The following SLC1A1 variants were observed in gnomAD, a reference collection of about 807,000 sequenced individuals.
SLC1A1 encodes excitatory amino acid transporter 3.
SLC1A1 carries 43 observed loss-of-function variants against 53.3 expected under a neutral mutation model. The ratio of observed to expected loss-of-function variants is 0.81; its 90% CI spans 0.63 to 1.04. The LOEUF (loss-of-function observed/expected upper bound fraction) is 1.04. Ranked by LOEUF, SLC1A1 falls within the 50% of genes least tolerant of loss-of-function variation. The pLI is 0.00. For missense variants in SLC1A1, 748 were observed against 664.9 expected, an observed-to-expected ratio of 1.12 and a Z score of -1.37; for synonymous variants, 307 against 243.2, an observed-to-expected ratio of 1.26 and a Z score of -2.44.
At chr9:4,580,172 A>T (rs1394734268) in intron 10 of SLC1A1, among the ~76,000 whole-genome samples, 1 of 151,948 alleles carries the variant, frequency 6.6e-6, no homozygotes, top group African/African-American at 2.4e-5. Context: ...CAGAGGTTGC[A>T]GTGAACTGAG....
intron 2 of SLC1A1, among the ~76,000 whole-genome samples, chr9:4,555,317 A>G (rs1169509217): frequency 1.3e-5 from 2 of 152,222 alleles, no homozygotes; most frequent in Non-Finnish European, 2.9e-5. Flanking sequence ...AAGGGGTTGA[A>G]TTTTGATACC....
chr9:4,545,066 C>T (rs769733330), intron 2 of SLC1A1, among the ~76,000 whole-genome samples: 8 of 152,138 alleles, frequency 5.3e-5, no homozygotes, highest in Non-Finnish European at 1.0e-4. Flanking sequence ...ATGGGGATTA[C>T]AATTCAAGAT....
intron 10 of SLC1A1, among the ~76,000 whole-genome samples, chr9:4,580,726 T>C (rs1344400422): frequency 2.0e-5 from 3 of 147,270 alleles, no homozygotes; most frequent in South Asian, 2.2e-4. Flanking sequence ...AAAGTAGCAG[T>C]AGTAATAGTA....
In SLC1A1 at chr9:4,534,686, G is replaced by C. The variant is rs533358163; in HGVS notation, c.92-9881G>C. 9.2e-5 allele frequency among the ~76,000 whole-genome samples: 12 copies of C among 130,090 alleles called. No homozygotes were observed. In the South Asian group the frequency reaches 1.1e-3, roughly 12 times the overall value. The allele number at this position is 130,090 out of a possible 152,430, so 85.3% of individuals were successfully genotyped here. A position where few individuals can be genotyped will look rare whatever the true frequency, so the allele number is the denominator to read the frequency against. ...GAAACTATTCCAATCAATAGAAAAAGAGGGAATCCTCCCTAACTCATGAGG... is the reference window on the plus strand; with the variant it reads ...GAAACTATTCCAATCAATAGAAAAACAGGGAATCCTCCCTAACTCATGAGG... On this transcript the variant is annotated intron_variant, in intron 1 of 11. Transcript: ENST00000262352.
chr9:4,499,188 G>A (rs1210754614), intron 1 of SLC1A1, among the ~76,000 whole-genome samples: 6 of 151,362 alleles, frequency 4.0e-5, no homozygotes, highest in Admixed American at 6.6e-5. Context: ...GGGATTACAG[G>A]TGCCCACCAC....
chr9:4,564,349 G>C lies in SLC1A1; in HGVS notation c.331G>C (p.Val111Leu), dbSNP rs757860317. ...TTLIAVILGIVLVVSIKPGVT... is the reference protein window; with the variant it reads ...TTLIAVILGILLVVSIKPGVT... The stretch of plus-strand genomic sequence containing the variant: ...GACGCTGTTCTTGGCCACAGGTATT[G>C]TGCTGGTGGTGAGCATCAAGCCTGG... Residue 111 changes from valine to leucine, a missense_variant, in exon 4 of 12, where the codon GTG becomes CTG. Physicochemically the swap from Val to Leu is conservative, Grantham distance 32 (BLOSUM62 1). Transcript: ENST00000262352. 2 of 1,611,962 alleles carry C rather than the reference G, an allele frequency of 1.2e-6. No individual in the cohort carries two copies. The highest frequency in any genetic ancestry group is 8.5e-7 in the Non-Finnish European group (1 of 1,178,528).
At chr9:4,516,407 TG>T (rs1821162411) in intron 1 of SLC1A1, among the ~76,000 whole-genome samples, 1 of 152,240 alleles carries the variant, frequency 6.6e-6, no homozygotes, top group Admixed American at 6.5e-5. Flanking sequence ...TTTTTCTCTC[TG>T]GGAAACAAGA....
At chr9:4,543,817 C>T (rs1269127019) in intron 1 of SLC1A1, among the ~76,000 whole-genome samples, 1 of 151,912 alleles carries the variant, frequency 6.6e-6, no homozygotes, top group Non-Finnish European at 1.5e-5. Context: ...AAAGATTATA[C>T]AAATATACCA....
rs769096859 is a variant in SLC1A1 at position 4,556,990 on chromosome 9, A to G, written c.233-4459A>G. ...CATGTGTTCCCCTGTGGAGTCTTTT[A>G]TGGCTGAAAAGTGTTCTCGTTGGCT... is the stretch of plus-strand genomic sequence containing the variant. On this transcript the variant is annotated intron_variant, in intron 2 of 11. Transcript: ENST00000262352. This position sits in a 1 kb window ranked among gnomAD's most constrained non-coding sequence, Gnocchi z 4.1. Among the ~76,000 whole-genome samples the G allele has an allele frequency of 2.6e-5, 4 of 152,156 alleles. No homozygotes were observed. The highest frequency in any genetic ancestry group is 5.9e-5 in the Non-Finnish European group (4 of 68,014).
intron 7 of SLC1A1, among the ~76,000 whole-genome samples, chr9:4,573,267 T>C (rs1586836378): frequency 6.6e-6 from 1 of 152,178 alleles, no homozygotes; most frequent in Non-Finnish European, 1.5e-5. Context: ...AAAGTGTAGA[T>C]ACTGACAGTG....
intron 2 of SLC1A1, among the ~76,000 whole-genome samples, chr9:4,545,404 T>C (rs1220139081): frequency 6.6e-6 from 1 of 152,206 alleles, no homozygotes; most frequent in East Asian, 1.9e-4. Flanking sequence ...CAAAACGTTA[T>C]CTGGGGCATG....
At position 4,490,637 on chromosome 9, in the gene SLC1A1, A is replaced by C. The variant is rs1408379271; in HGVS notation, c.-43A>C. On this transcript the variant is annotated 5_prime_UTR_variant, in exon 1 of 12. Coordinates refer to ENST00000262352, the MANE Select transcript of SLC1A1 (RefSeq NM_004170.6). ...CAGCAGTCCCCGGGTCGCCCAGCCCACGCGCGCACGGCCGAGCCCAGCGCA... is the reference window on the plus strand; with the variant it reads ...CAGCAGTCCCCGGGTCGCCCAGCCCCCGCGCGCACGGCCGAGCCCAGCGCA... The C allele has an allele frequency of 1.3e-6, 2 of 1,557,964 alleles. No homozygotes were observed. The highest frequency in any genetic ancestry group is 2.2e-5 in the South Asian group (2 of 88,950).
intron 1 of SLC1A1, among the ~76,000 whole-genome samples, chr9:4,513,071 T>G (rs976557312): frequency 6.6e-6 from 1 of 151,814 alleles, no homozygotes; most frequent in African/African-American, 2.4e-5. Flanking sequence ...CATTCAAAAA[T>G]TAACTCCAAA....
chr9:4,563,005 T>C (rs1242211975), intron 3 of SLC1A1, among the ~76,000 whole-genome samples: 8 of 149,564 alleles, frequency 5.3e-5, no homozygotes, highest in Non-Finnish European at 7.4e-5. Flanking sequence ...CATTGGGAGA[T>C]ATACCTAATG....
chr9:4,580,583 GAAAA>G (rs779115391), intron 10 of SLC1A1, among the ~76,000 whole-genome samples: 2 of 121,468 alleles, frequency 1.6e-5, no homozygotes, highest in South Asian at 3.0e-4. Context: ...CTTGTCTCTG[GAAAA>G]AAAAAAAATA....
intron 1 of SLC1A1, among the ~76,000 whole-genome samples, chr9:4,498,496 A>G (rs74898934): frequency 0.025 from 3,744 of 152,140 alleles, 147 homozygotes; most frequent in African/African-American, 0.087. Flanking sequence ...TATATCCTCA[A>G]AACCAGTGAT....
chr9:4,544,874 A>G (rs979102467), intron 2 of SLC1A1, among the ~76,000 whole-genome samples, 167 bp downstream of exon 2: 3 of 152,184 alleles, frequency 2.0e-5, no homozygotes, highest in Admixed American at 6.5e-5. Flanking sequence ...GGCAAAGGGG[A>G]AGCAAGACAA....
At chr9:4,540,224 G>A (rs1816889389) in intron 1 of SLC1A1, among the ~76,000 whole-genome samples, 1 of 152,042 alleles carries the variant, frequency 6.6e-6, no homozygotes, top group African/African-American at 2.4e-5. Context: ...CCAGACTCTG[G>A]GGGAAGATTA....
chr9:4,512,433 G>A (rs529835264), intron 1 of SLC1A1, among the ~76,000 whole-genome samples: 8 of 152,148 alleles, frequency 5.3e-5, no homozygotes, highest in East Asian at 1.9e-4. Context: ...GCTTGAGCCC[G>A]GGAGATTGAA....
Sources: gnomAD v4.1 joint callset for allele counts (sites outside exome capture counted in the v4.1 genomes callset) on GRCh38, gnomAD v4.1.1 for gene constraint, Gnocchi (gnomAD v3.1) non-coding constraint, MANE v1.5 for transcripts, NCBI Gene and HGNC (gene_info 2026-07-23, HGNC 2026-07-21) for gene names.